The following ANO10 variants were observed in gnomAD, a reference collection of about 807,000 sequenced individuals.
The protein encoded by ANO10 is anoctamin-10.
A neutral mutation model predicts 74.7 loss-of-function variants in ANO10; 77 were observed. The ratio of observed to expected loss-of-function variants is 1.03; its 90% CI spans 0.86 to 1.25. ANO10 has a LOEUF of 1.25. Among genes scored for constraint, ANO10 ranks in the 50% most tolerant of loss-of-function variants. ANO10 has a pLI of 0.00. For missense variants in ANO10, 721 were observed against 778.1 expected (o/e 0.93, Z 0.87); for synonymous variants, 279 against 284.9 (o/e 0.98, Z 0.21).
intron 11 of ANO10, among the ~76,000 whole-genome samples, chr3:43,445,977 C>G (rs916021800): frequency 6.6e-6 from 1 of 152,224 alleles, no homozygotes; most frequent in East Asian, 1.9e-4. Context: ...GATTACAGAA[C>G]ACCAAACCCA....
intron 11 of ANO10, among the ~76,000 whole-genome samples, chr3:43,481,509 T>TG (rs1392660212): frequency 1.3e-5 from 2 of 152,104 alleles, no homozygotes; most frequent in African/African-American, 2.4e-5. Context: ...TGATGGGACA[T>TG]GGGGGGTTGA....
At chr3:43,557,380 G>A (rs1312229969) in intron 9 of ANO10, among the ~76,000 whole-genome samples, 1 of 152,166 alleles carries the variant, frequency 6.6e-6, no homozygotes, top group Non-Finnish European at 1.5e-5. Context: ...TAGAGCTGTA[G>A]TTTTCAAGCT....
chr3:43,627,793 T>G (rs1390933956), intron 1 of ANO10, among the ~76,000 whole-genome samples: 1 of 151,708 alleles, frequency 6.6e-6, no homozygotes, highest in Non-Finnish European at 1.5e-5. Flanking sequence ...TATCTTCTGA[T>G]TAGTTGCTGC....
At chr3:43,387,496 G>A (rs1380368549) in intron 12 of ANO10, among the ~76,000 whole-genome samples, 1 of 152,146 alleles carries the variant, frequency 6.6e-6, no homozygotes, top group Non-Finnish European at 1.5e-5. Context: ...TGTGGCAGAG[G>A]CCCTACACGC....
rs1405576707 is a variant in ANO10 at position 43,576,829 on chromosome 3, C to T, written c.1025G>A (p.Trp342Ter). 1.9e-6 allele frequency: 3 copies of T among 1,614,108 alleles called. No homozygotes were observed. Among genetic ancestry groups the T allele is most frequent in the Non-Finnish European group, 2.5e-6 (3 of 1,180,016 alleles). Residue 342 changes from tryptophan (W) to a stop codon, truncating the protein, a stop_gained, in exon 6 of 13, where the codon TGG becomes TAG. Transcript: ENST00000292246. LOFTEE classifies it high-confidence loss of function. The stretch of plus-strand genomic sequence containing the variant: ...GCTGTTCTCATGTAGACCCAAGGCC[C>T]AAACCTCCATGTCGAAGTAAATCAT... ...VMMIYFDMEV[W>*]ALGLHENSGS...
intron 11 of ANO10, among the ~76,000 whole-genome samples, chr3:43,437,825 T>C (rs2093093130): frequency 2.0e-5 from 3 of 151,732 alleles, no homozygotes; most frequent in African/African-American, 7.3e-5. Context: ...ATGGCTGTTT[T>C]TCAGATGCCC....
At chr3:43,573,356 T>C (rs1160410412) in intron 7 of ANO10, among the ~76,000 whole-genome samples, 4 of 152,204 alleles carry the variant, frequency 2.6e-5, no homozygotes, top group African/African-American at 9.7e-5. Context: ...TTCATTTCCT[T>C]ACCTGTTCTT....
intron 4 of ANO10, among the ~76,000 whole-genome samples, chr3:43,595,646 G>A (rs1264864410): frequency 6.6e-6 from 1 of 152,136 alleles, no homozygotes; most frequent in African/African-American, 2.4e-5. Flanking sequence ...CAAACCCACA[G>A]CCAATATCAT....
rs149580265 is a variant in ANO10, at chr3:43,561,295, C to T, written c.1401G>A (p.Val467=). The stretch of plus-strand genomic sequence containing the variant: ...CATCAATGTCTGCCTTTAAAGCCTG[C>T]ACCTTCCTCTTCACCCGCACACCAT... ...RKHGVRVKRK[V]QALKADIDAT... The change falls in exon 9 of 13, where the codon GTG becomes GTA. Residue 467 remains valine, a synonymous_variant. Coordinates refer to ENST00000292246, the MANE Select transcript of ANO10 (RefSeq NM_018075.5). 6.2e-7 allele frequency: 1 copy of T among 1,614,148 alleles called. No homozygotes were observed. Among genetic ancestry groups the T allele is most frequent in the South Asian group, 1.1e-5 (1 of 91,078 alleles).
At chr3:43,495,308 G>A (rs1182899336) in intron 11 of ANO10, among the ~76,000 whole-genome samples, 1 of 151,776 alleles carries the variant, frequency 6.6e-6, no homozygotes, top group East Asian at 1.9e-4. Context: ...ACTCCACCAA[G>A]AAATTTTGAG....
intron 12 of ANO10, among the ~76,000 whole-genome samples, chr3:43,375,434 G>C (rs908190312): frequency 3.9e-5 from 6 of 152,252 alleles, no homozygotes; most frequent in East Asian, 1.9e-4. Context: ...GGTGACAAGA[G>C]GGAAACTCTG....
intron 1 of ANO10, among the ~76,000 whole-genome samples, chr3:43,631,267 A>T (rs2083544920): frequency 1.3e-5 from 2 of 152,166 alleles, no homozygotes; most frequent in Admixed American, 6.5e-5. Flanking sequence ...CACCAGCCTC[A>T]TTTGAGATCT....
intron 11 of ANO10, among the ~76,000 whole-genome samples, chr3:43,509,405 C>A (rs954255187): frequency 6.6e-6 from 1 of 152,094 alleles, no homozygotes; most frequent in Non-Finnish European, 1.5e-5. Context: ...AGACATTTCA[C>A]TGAAGAGGAT....
intron 11 of ANO10, among the ~76,000 whole-genome samples, chr3:43,442,369 C>T (rs988328867): frequency 6.6e-6 from 1 of 151,972 alleles, no homozygotes; most frequent in Non-Finnish European, 1.5e-5. Flanking sequence ...AAATCAGTTA[C>T]ATTTCTATAT....
intron 1 of ANO10, among the ~76,000 whole-genome samples, chr3:43,627,636 T>G (rs1447449160): frequency 6.6e-6 from 1 of 152,254 alleles, no homozygotes; most frequent in African/African-American, 2.4e-5. Flanking sequence ...GATACCAAGA[T>G]AGTGCATCTA....
At chr3:43,466,644 A>G (rs570627670) in intron 11 of ANO10, among the ~76,000 whole-genome samples, 132 of 152,334 alleles carry the variant, frequency 8.7e-4, no homozygotes, top group Non-Finnish European at 1.7e-3. Context: ...GTATAAATGT[A>G]AAAGTTAAAA....
At position 43,660,730 on chromosome 3, in the gene ANO10, G is replaced by A. The variant is rs181094488; in HGVS notation, c.-12+30787C>T. Among the ~76,000 whole-genome samples, 458 of 152,284 alleles carry A rather than the reference G, an allele frequency of 3.0e-3. 1 individual carries two copies. Among genetic ancestry groups the A allele is most frequent in the Admixed American group, 5.7e-3 (87 of 15,292 alleles). On this transcript the variant is annotated intron_variant, in intron 1 of 3. Coordinates refer to the ANO10 transcript ENST00000413397. ...AGCACTTTGGGAGGCCAAGGCTGGCGGATCACGTGAGGTCAGGAGTTTGAG... is the reference window on the plus strand; with the variant it reads ...AGCACTTTGGGAGGCCAAGGCTGGCAGATCACGTGAGGTCAGGAGTTTGAG...
intron 1 of ANO10, among the ~76,000 whole-genome samples, chr3:43,665,296 T>G (rs2083976542): frequency 6.6e-6 from 1 of 152,112 alleles, no homozygotes; most frequent in Non-Finnish European, 1.5e-5. Flanking sequence ...ACATCACATG[T>G]TCTTACTCGT....
chr3:43,407,230 T>C (rs1436944849), intron 12 of ANO10, among the ~76,000 whole-genome samples: 1 of 152,128 alleles, frequency 6.6e-6, no homozygotes, highest in Non-Finnish European at 1.5e-5. Flanking sequence ...AGAGATCACC[T>C]GGTCCACCTT....
Sources: gnomAD v4.1 joint callset for allele counts (sites outside exome capture counted in the v4.1 genomes callset) on GRCh38, gnomAD v4.1.1 for gene constraint, MANE v1.5 for transcripts, NCBI Gene and HGNC (gene_info 2026-07-23, HGNC 2026-07-21) for gene names.